AGO3: variants seen among roughly 807,000 people sequenced by gnomAD.
AGO3 encodes protein argonaute-3.
Under a neutral mutation model 105.5 loss-of-function variants are expected in AGO3, and 16 were observed. That is an observed-to-expected ratio of 0.15 (90% CI 0.10 to 0.23). The LOEUF is 0.23. Ranked by LOEUF, AGO3 falls within the 10% of genes least tolerant of loss-of-function variation. The pLI is 1.00. For synonymous variants in AGO3, 340 were observed against 367.3 expected, an observed-to-expected ratio of 0.93 and a Z score of 0.85; for missense variants, 534 against 1,088.0, an observed-to-expected ratio of 0.49 and a Z score of 7.16.
At chr1:35,947,882 C>T (rs1251006046) in intron 2 of AGO3, among the ~76,000 whole-genome samples, 1 of 152,094 alleles carries the variant, frequency 6.6e-6, no homozygotes, top group African/African-American at 2.4e-5. Flanking sequence ...CCTGACCCTT[C>T]TGGTAGATAT....
At chr1:36,039,442 C>T (rs950010960) in intron 14 of AGO3, among the ~76,000 whole-genome samples, 6 of 142,944 alleles carry the variant, frequency 4.2e-5, no homozygotes, top group African/African-American at 1.6e-4. Flanking sequence ...TGCAGTGAGC[C>T]GAGATTGTGC....
At chr1:35,964,200 G>A (rs1646731895) in intron 2 of AGO3, among the ~76,000 whole-genome samples, 1 of 152,050 alleles carries the variant, frequency 6.6e-6, no homozygotes, top group African/African-American at 2.4e-5. Context: ...AGGTAAATTT[G>A]TGTCATGGGT....
intron 5 of AGO3, among the ~76,000 whole-genome samples, chr1:35,989,257 T>C (rs1212413217): frequency 6.6e-6 from 1 of 152,208 alleles, no homozygotes; most frequent in African/African-American, 2.4e-5. Context: ...TCTAATTGTG[T>C]GATTGGTCTT....
intron 17 of AGO3, among the ~76,000 whole-genome samples, chr1:36,051,867 A>G (rs1032326360): frequency 3.3e-5 from 5 of 152,246 alleles, no homozygotes; most frequent in African/African-American, 7.2e-5. Context: ...GGGAATGCCA[A>G]TTAAAATCAC....
At chr1:35,950,776 C>T (rs1186641501) in intron 2 of AGO3, among the ~76,000 whole-genome samples, 1 of 152,024 alleles carries the variant, frequency 6.6e-6, no homozygotes, top group African/African-American at 2.4e-5. Context: ...CTAGTTTGTC[C>T]AACCTCTAAA....
chr1:35,995,209 A>AAAAAAATAT (rs1237315557), intron 5 of AGO3, among the ~76,000 whole-genome samples: 4 of 114,788 alleles, frequency 3.5e-5, no homozygotes, highest in African/African-American at 1.1e-4. Context: ...TAAAAAAAAA[A>AAAAAAATAT]ATATATATAT....
chr1:36,025,069 TGAA>T (rs1380012966), intron 11 of AGO3, among the ~76,000 whole-genome samples: 1 of 152,202 alleles, frequency 6.6e-6, no homozygotes, highest in Non-Finnish European at 1.5e-5. Flanking sequence ...CTAATTTTCT[TGAA>T]GAAATGATCC....
chr1:35,992,504 G>C (rs1486890460), intron 5 of AGO3, among the ~76,000 whole-genome samples: 1 of 151,984 alleles, frequency 6.6e-6, no homozygotes, highest in African/African-American at 2.4e-5. Flanking sequence ...TTCTAGGTTT[G>C]TACCTTAAAT....
intron 1 of AGO3, among the ~76,000 whole-genome samples, chr1:35,937,447 C>G (rs376451826): frequency 6.6e-6 from 1 of 151,606 alleles, no homozygotes; most frequent in Non-Finnish European, 1.5e-5. Flanking sequence ...AATCCCAGCA[C>G]TTTAGGAGGC....
chr1:35,950,559 T>G (rs1296720035), intron 2 of AGO3, among the ~76,000 whole-genome samples: 1 of 152,206 alleles, frequency 6.6e-6, no homozygotes, highest in Non-Finnish European at 1.5e-5. Context: ...GGGGGCCAAG[T>G]TGGGGAAGGA....
chr1:35,938,637 G>GT (rs1469935379), intron 1 of AGO3, among the ~76,000 whole-genome samples: 2 of 143,386 alleles, frequency 1.4e-5, no homozygotes, highest in Non-Finnish European at 3.2e-5. Context: ...ATTTTTTCCA[G>GT]TTTTTTGTTA....
chr1:35,987,453 A>T (rs1420319873), intron 5 of AGO3, among the ~76,000 whole-genome samples: 1 of 152,014 alleles, frequency 6.6e-6, no homozygotes. Context: ...AGATCACGCC[A>T]CTGCACTCCA....
Position 36,009,346 on chromosome 1 carries a change from C to T in AGO3, c.1030-129C>T, listed in dbSNP as rs930389450. The T allele has an allele frequency of 6.4e-6, 7 of 1,096,432 alleles. No individual in the cohort carries two copies. In the African/African-American group the frequency reaches 9.7e-5, roughly 15 times the overall value. The allele number at this position is 1,096,432 out of a possible 1,614,324, so 67.9% of individuals were successfully genotyped here. A position where few individuals can be genotyped will look rare whatever the true frequency, so the allele number is the denominator to read the frequency against. ...AGCTGTCTTGTTTACTACTTTTTTA[C>T]TTAACATATTGAAAATAAGTGGTTT... is the stretch of plus-strand genomic sequence containing the variant. On this transcript the variant is annotated intron_variant, in intron 8 of 18. Coordinates refer to ENST00000373191, the MANE Select transcript of AGO3 (RefSeq NM_024852.4).
chr1:35,970,702 G>A (rs1646850400), intron 3 of AGO3, among the ~76,000 whole-genome samples: 1 of 151,400 alleles, frequency 6.6e-6, no homozygotes, highest in African/African-American at 2.4e-5. Flanking sequence ...ATGATATTCT[G>A]TTTTAATTTT....
At chr1:35,965,966 C>T (rs1272782373) in intron 2 of AGO3, among the ~76,000 whole-genome samples, 1 of 151,864 alleles carries the variant, frequency 6.6e-6, no homozygotes, top group African/African-American at 2.4e-5. Flanking sequence ...GCTGAGACTA[C>T]AGGCATGCGC....
At position 36,067,162 on chromosome 1, in the gene AGO3, TCTTTC is replaced by T. The variant is rs1447763324; in HGVS notation, c.*11420_*11424del. 6.6e-6 allele frequency: 1 copy of T among 152,160 alleles called. No individual in the cohort carries two copies. The highest frequency in any genetic ancestry group is 1.5e-5 in the Non-Finnish European group (1 of 68,030). 9.4% of individuals were successfully genotyped at this position (152,160 alleles called of 1,614,324 possible). On this transcript the variant is annotated 3_prime_UTR_variant, in exon 19 of 19. Transcript: ENST00000373191. ...AGCAGGGCCTTTCCAGACAATGTAG[TCTTTC>T]CTGTAAAGAAAATGGTTTTGGTGTG... is the stretch of plus-strand genomic sequence containing the variant.
chr1:35,973,861 A>T (rs1646911192), intron 5 of AGO3, among the ~76,000 whole-genome samples: 2 of 151,940 alleles, frequency 1.3e-5, no homozygotes, highest in African/African-American at 4.8e-5. Context: ...GGGCATGGTG[A>T]CCCCCAGATG....
Position 36,013,643 on chromosome 1 carries a change from A to G in AGO3, c.1163A>G (p.Asn388Ser). The G allele has an allele frequency of 6.2e-7, 1 of 1,613,502 alleles. No individual in the cohort carries two copies. The highest frequency in any genetic ancestry group is 8.5e-7 in the Non-Finnish European group (1 of 1,179,750). The stretch of plus-strand genomic sequence containing the variant: ...TTCTATTTTTAGGTAAGAAGTGCAA[A>G]TTATGAAACAGATCCATTTGTTCAG... ...EEISRLVRSA[N>S]YETDPFVQEF... The change falls in exon 10 of 19, where the codon AAT becomes AGT. Residue 388 changes from asparagine (N) to serine (S), a missense_variant. Transcript: ENST00000373191.
intron 9 of AGO3, among the ~76,000 whole-genome samples, chr1:36,009,932 CTTTTT>C (rs58385070): frequency 3.4e-5 from 2 of 58,230 alleles, no homozygotes; most frequent in Non-Finnish European, 3.0e-5. Context: ...TACTAAAATT[CTTTTT>C]TTTTTTTTTT....
Sources: allele counts gnomAD v4.1 joint callset (sites outside exome capture counted in the v4.1 genomes callset), GRCh38; gene constraint gnomAD v4.1.1; transcripts MANE v1.5; gene names NCBI Gene and HGNC (gene_info 2026-07-23, HGNC 2026-07-21).